The following MALRD1 variants were observed in gnomAD, a reference collection of about 807,000 sequenced individuals.
MALRD1 encodes MAM and LDL-receptor class A domain-containing protein 1.
In MALRD1, 247 loss-of-function variants were observed where a neutral mutation model predicts 242.1. The ratio of observed to expected loss-of-function variants is 1.02; its 90% CI spans 0.92 to 1.13. The LOEUF (loss-of-function observed/expected upper bound fraction) is 1.13, where lower values mean the gene tolerates loss of function less well. MALRD1 is among the 50% of genes most tolerant of loss of function. MALRD1 has a pLI of 0.00. For synonymous variants in MALRD1, 995 were observed against 866.6 expected (o/e 1.15, Z -2.60); for missense variants, 2,989 against 2,533.1 (o/e 1.18, Z -3.86).
At chr10:19,332,705 T>G (rs1315465615) in intron 24 of MALRD1, among the ~76,000 whole-genome samples, 2 of 152,178 alleles carry the variant, frequency 1.3e-5, no homozygotes, top group Non-Finnish European at 2.9e-5. Flanking sequence ...ACTTTTAATG[T>G]TCAAAGCCTT....
At chr10:19,215,716 A>G (rs1837280930) in intron 18 of MALRD1, among the ~76,000 whole-genome samples, 1 of 142,304 alleles carries the variant, frequency 7.0e-6, no homozygotes, top group African/African-American at 2.5e-5. Context: ...GACGTGCTAT[A>G]ATAAATTAGT....
intron 32 of MALRD1, among the ~76,000 whole-genome samples, chr10:19,540,917 C>A (rs1834940155): frequency 6.6e-6 from 1 of 152,066 alleles, no homozygotes; most frequent in South Asian, 2.1e-4. Context: ...GAATTTGAGA[C>A]CAGCCTGGGC....
At chr10:19,332,783 C>A (rs935265256) in intron 24 of MALRD1, among the ~76,000 whole-genome samples, 1 of 152,148 alleles carries the variant, frequency 6.6e-6, no homozygotes, top group South Asian at 2.1e-4. Flanking sequence ...ATTATTAGTG[C>A]AGTCAACAGA....
chr10:19,534,951 T>A (rs1266736488), intron 32 of MALRD1, among the ~76,000 whole-genome samples: 2 of 152,162 alleles, frequency 1.3e-5, no homozygotes, highest in South Asian at 4.1e-4. Flanking sequence ...AGTGGCGCGA[T>A]CTTGGCTCGC....
At chr10:19,612,624 A>G (rs1838951798) in intron 35 of MALRD1, among the ~76,000 whole-genome samples, 2 of 151,982 alleles carry the variant, frequency 1.3e-5, no homozygotes. Flanking sequence ...TTATTTAAAA[A>G]AAAAATAGGT....
intron 21 of MALRD1, among the ~76,000 whole-genome samples, chr10:19,291,708 T>G (rs1433737987): frequency 6.6e-6 from 1 of 151,928 alleles, no homozygotes; most frequent in Non-Finnish European, 1.5e-5. Context: ...TCAGAGAAGA[T>G]TCATTTTTCT....
At chr10:19,365,649 T>C (rs1845074746) in intron 26 of MALRD1, among the ~76,000 whole-genome samples, 1 of 148,038 alleles carries the variant, frequency 6.8e-6, no homozygotes, top group Non-Finnish European at 1.5e-5. Flanking sequence ...TTGACATGTT[T>C]TATAAATTCT....
chr10:19,596,745 A>AAAAGG (rs1408544241), intron 34 of MALRD1, among the ~76,000 whole-genome samples: 1 of 150,494 alleles, frequency 6.6e-6, no homozygotes, highest in Non-Finnish European at 1.5e-5. Context: ...TCTCAAAAAG[A>AAAAGG]AAAGAAAAGA....
At chr10:19,694,858 G>A (rs1222206204) in intron 38 of MALRD1, among the ~76,000 whole-genome samples, 1 of 152,182 alleles carries the variant, frequency 6.6e-6, no homozygotes, top group Non-Finnish European at 1.5e-5. Context: ...TTAAGAAAAT[G>A]TGGCACACAT....
chr10:19,687,154 A>G (rs557718732), intron 36 of MALRD1, among the ~76,000 whole-genome samples: 1 of 152,310 alleles, frequency 6.6e-6, no homozygotes, highest in South Asian at 2.1e-4. Context: ...CGTTAAAACA[A>G]ACAAGCATTC....
At chr10:19,110,471 A>G (rs1346452882) in intron 5 of MALRD1, among the ~76,000 whole-genome samples, 2 of 152,206 alleles carry the variant, frequency 1.3e-5, no homozygotes, top group African/African-American at 2.4e-5. Flanking sequence ...GGACCAGATT[A>G]TAACACCCCT....
chr10:19,602,511 C>T (rs1480757792), intron 34 of MALRD1, among the ~76,000 whole-genome samples: 1 of 151,806 alleles, frequency 6.6e-6, no homozygotes, highest in Admixed American at 6.6e-5. Flanking sequence ...CATGTCCCTG[C>T]AAAGGACATG....
At chr10:19,485,249 T>A (rs1483952802) in intron 29 of MALRD1, among the ~76,000 whole-genome samples, 2 of 152,176 alleles carry the variant, frequency 1.3e-5, no homozygotes, top group East Asian at 1.9e-4. Flanking sequence ...TCTATTTGTA[T>A]TATAGTTGCA....
intron 8 of MALRD1, 82 bp downstream of exon 8, chr10:19,128,469 A>C: frequency 1.0e-5 from 9 of 889,318 alleles, no homozygotes; most frequent in Non-Finnish European, 1.3e-5. Flanking sequence ...TCGATTTCTC[A>C]GTTGCGCATA....
rs1564492861 is a variant in MALRD1 at position 19,238,520 on chromosome 10, A to ATATAT, written c.2992-19163_2992-19159dup. On this transcript the variant is annotated intron_variant, in intron 18 of 39. Transcript: ENST00000454679. Reference sequence around the variant, plus strand: ...TATAATATAATATATAATGTATATTATATATAATATACATTATATATAATA... The same window carrying ATATAT: ...TATAATATAATATATAATGTATATTATATATTATATAATATACATTATATATAATA... 2.3e-3 allele frequency among the ~76,000 whole-genome samples: 198 copies of ATATAT among 85,092 alleles called. 28 individuals are homozygous for ATATAT. The highest frequency in any genetic ancestry group is 0.011 in the African/African-American group (195 of 17,574). The allele number at this position is 85,092 out of a possible 152,430, so 55.8% of individuals were successfully genotyped here. A position where few individuals can be genotyped will look rare whatever the true frequency, so the allele number is the denominator to read the frequency against.
At chr10:19,060,626 C>G (rs1360142481) in intron 1 of MALRD1, among the ~76,000 whole-genome samples, 1 of 152,138 alleles carries the variant, frequency 6.6e-6, no homozygotes, top group Non-Finnish European at 1.5e-5. Flanking sequence ...GACATATTAA[C>G]TATTCAAGGA....
intron 1 of MALRD1, among the ~76,000 whole-genome samples, chr10:19,060,586 T>C (rs1382218819): frequency 3.9e-5 from 6 of 152,166 alleles, no homozygotes. Flanking sequence ...TCTAATTCTA[T>C]GGAGTTAAGC....
chr10:19,238,795 T>A (rs1431157234), intron 18 of MALRD1, among the ~76,000 whole-genome samples: 2 of 150,938 alleles, frequency 1.3e-5, no homozygotes, highest in African/African-American at 4.9e-5. Context: ...TTAACGAACT[T>A]CCATAAAGTT....
At chr10:19,214,880 T>C (rs1211514114) in intron 18 of MALRD1, among the ~76,000 whole-genome samples, 1 of 152,214 alleles carries the variant, frequency 6.6e-6, no homozygotes, top group Non-Finnish European at 1.5e-5. Flanking sequence ...AACATTGTGG[T>C]GTTAGAGGAC....
Sources: gnomAD v4.1 joint callset for allele counts (sites outside exome capture counted in the v4.1 genomes callset) on GRCh38, gnomAD v4.1.1 for gene constraint, MANE v1.5 for transcripts, NCBI Gene and HGNC (gene_info 2026-07-23, HGNC 2026-07-21) for gene names.